The following GAS2L3 variants were observed in gnomAD, a reference collection of about 807,000 sequenced individuals.
The protein encoded by GAS2L3 is growth arrest specific 2 like 3, also known as GAS2-like protein 3.
A neutral mutation model predicts 37.0 loss-of-function variants in GAS2L3; 28 were observed. The ratio of observed to expected loss-of-function variants is 0.76; its 90% CI spans 0.56 to 1.04. The LOEUF (loss-of-function observed/expected upper bound fraction) is 1.04. Among genes scored for constraint, GAS2L3 ranks in the 50% least tolerant of loss-of-function variants. The probability of loss-of-function intolerance (pLI) is 0.00; values close to 1 mark genes in which losing one functional copy is unlikely to be tolerated. For synonymous variants in GAS2L3, 290 were observed against 296.6 expected (o/e 0.98, Z 0.23); for missense variants, 793 against 817.6 (o/e 0.97, Z 0.37).
chr12:100,618,625 T>C, intron 8 of GAS2L3, 38 bp downstream of exon 8: 1 of 1,569,086 alleles, frequency 6.4e-7, no homozygotes, highest in Non-Finnish European at 8.6e-7. Context: ...CCATGATACC[T>C]TGAAGTCTCA....
chr12:100,617,508 T>C (rs1206752941), intron 6 of GAS2L3, among the ~76,000 whole-genome samples: 1 of 152,192 alleles, frequency 6.6e-6, no homozygotes, highest in Non-Finnish European at 1.5e-5. Flanking sequence ...CTTCAAATGC[T>C]GTGCAAATAA....
At chr12:100,586,306 T>C (rs1023178036) in intron 1 of GAS2L3, among the ~76,000 whole-genome samples, 1 of 152,188 alleles carries the variant, frequency 6.6e-6, no homozygotes, top group Admixed American at 6.5e-5. Context: ...TGGAACTTTC[T>C]CCAAGATAGA....
chr12:100,587,916 G>T (rs1955800621), intron 1 of GAS2L3, among the ~76,000 whole-genome samples: 1 of 152,094 alleles, frequency 6.6e-6, no homozygotes, highest in Non-Finnish European at 1.5e-5. Flanking sequence ...GCCAGGTGTG[G>T]TGGTGGGCAC....
chr12:100,598,845 C>T (rs548554634), intron 3 of GAS2L3, among the ~76,000 whole-genome samples: 1 of 152,174 alleles, frequency 6.6e-6, no homozygotes, highest in Non-Finnish European at 1.5e-5. Context: ...ATTCTTACTT[C>T]TCTCATTCCA....
intron 5 of GAS2L3, among the ~76,000 whole-genome samples, chr12:100,609,658 A>G (rs1956102813): frequency 6.6e-6 from 1 of 152,118 alleles, no homozygotes; most frequent in African/African-American, 2.4e-5. Flanking sequence ...CTGCCCCTCA[A>G]GTTCGCTTAG....
At chr12:100,573,882 C>A (rs35719) in intron 1 of GAS2L3, 97 bp downstream of exon 1, 81,929 of 152,184 alleles carry the variant, frequency 0.54, 23,194 homozygotes, top group East Asian at 0.69. Flanking sequence ...AGGAGCCCCC[C>A]GCTCTCTGAG....
At chr12:100,611,880 A>G in intron 5 of GAS2L3, 120 bp from the exon 6 acceptor site, 4 of 696,250 alleles carry the variant, frequency 5.7e-6, no homozygotes, top group Non-Finnish European at 9.8e-6. Context: ...TTTTTTCTCT[A>G]AAATTGTGTA....
chr12:100,621,425 A>G (rs888668286), intron 8 of GAS2L3, among the ~76,000 whole-genome samples: 1 of 152,018 alleles, frequency 6.6e-6, no homozygotes, highest in East Asian at 1.9e-4. Flanking sequence ...CAGTTCTACC[A>G]TTAAAAAATA....
rs1236163349 is a variant in GAS2L3 at position 100,624,099 on chromosome 12, C to T, written c.1294C>T (p.Pro432Ser). ...PRTAPCISESPRKCISSPNTP... is the reference protein window; with the variant it reads ...PRTAPCISESSRKCISSPNTP... ...AACTGCACCTTGTATATCTGAGTCA[C>T]CGAGAAAATGTATTTCATCCCCCAA... The change falls in exon 10 of 10, where the codon CCG (proline) becomes TCG (serine). Residue 432 changes from proline to serine, a missense_variant. Physicochemically the swap from Pro to Ser is moderately conservative, Grantham distance 74. Coordinates refer to ENST00000547754, the MANE Select transcript of GAS2L3 (RefSeq NM_174942.3). 6.2e-7 allele frequency: 1 copy of T among 1,613,888 alleles called. No homozygotes were observed. The highest frequency in any genetic ancestry group is 1.7e-5 in the Admixed American group (1 of 59,960).
At chr12:100,606,568 T>C (rs1956059748) in intron 5 of GAS2L3, among the ~76,000 whole-genome samples, 2 of 152,072 alleles carry the variant, frequency 1.3e-5, no homozygotes. Context: ...GCTCCTTCTT[T>C]CTTTCCTTCC....
chr12:100,579,502 A>G, intron 1 of GAS2L3: 6 of 773,332 alleles, frequency 7.8e-6, no homozygotes, highest in Admixed American at 5.2e-5. Flanking sequence ...TGTCAGAAAT[A>G]TTAAGATTTA....
rs762619994 is a variant in GAS2L3 at position 100,623,551 on chromosome 12, T to C, written c.757-11T>C. 1 of 1,581,960 alleles carries C rather than the reference T, an allele frequency of 6.3e-7. No homozygotes were observed. Among genetic ancestry groups the C allele is most frequent in the South Asian group, 1.2e-5 (1 of 85,660 alleles). On this transcript the variant is annotated splice_polypyrimidine_tract_variant and intron_variant, in intron 9 of 9. Coordinates refer to ENST00000547754, the MANE Select transcript of GAS2L3 (RefSeq NM_174942.3). Reference sequence around the variant, plus strand: ...ATTACAGCTTTACTTTTTGTTTTCCTTTGGGGGCAGATGCTTCATGGAAAA... The same window carrying C: ...ATTACAGCTTTACTTTTTGTTTTCCCTTGGGGGCAGATGCTTCATGGAAAA...
At chr12:100,611,244 C>T (rs1411986705) in intron 5 of GAS2L3, 4 of 152,060 alleles carry the variant, frequency 2.6e-5, no homozygotes, top group African/African-American at 4.8e-5. Flanking sequence ...CTTCAGCCTC[C>T]GAAAGTACTG....
intron 5 of GAS2L3, among the ~76,000 whole-genome samples, chr12:100,605,677 G>A (rs1956047084): frequency 6.6e-6 from 1 of 150,650 alleles, no homozygotes; most frequent in Admixed American, 6.6e-5. Context: ...CATAGGTTTT[G>A]GTATTTGTGC....
chr12:100,580,782 A>G (rs1161188161), intron 1 of GAS2L3, among the ~76,000 whole-genome samples: 4 of 152,232 alleles, frequency 2.6e-5, no homozygotes, highest in Admixed American at 2.0e-4. Flanking sequence ...AGCACCTGCT[A>G]TATGTGGAAT....
intron 1 of GAS2L3, among the ~76,000 whole-genome samples, chr12:100,586,247 A>T (rs1322063336): frequency 3.3e-5 from 5 of 152,218 alleles, no homozygotes; most frequent in African/African-American, 1.2e-4. Flanking sequence ...TATACAGAAC[A>T]TTTCATCCAA....
intron 7 of GAS2L3, among the ~76,000 whole-genome samples, 192 bp downstream of exon 7, chr12:100,617,999 T>C (rs1956208238): frequency 6.6e-6 from 1 of 152,222 alleles, no homozygotes; most frequent in African/African-American, 2.4e-5. Context: ...GTTCTCAATA[T>C]AGCTTGTCTT....
At chr12:100,606,328 C>T (rs1438839782) in intron 5 of GAS2L3, among the ~76,000 whole-genome samples, 3 of 151,840 alleles carry the variant, frequency 2.0e-5, no homozygotes, top group Non-Finnish European at 2.9e-5. Context: ...TTTTCAGTTT[C>T]CCATTGGCAT....
intron 6 of GAS2L3, among the ~76,000 whole-genome samples, chr12:100,616,024 A>AAG (rs958913569): frequency 5.9e-5 from 9 of 152,136 alleles, no homozygotes; most frequent in African/African-American, 2.2e-4. Context: ...GGAAAAAAAA[A>AAG]GGGGTGTTGT....
Sources: gnomAD v4.1 joint callset for allele counts (sites outside exome capture counted in the v4.1 genomes callset) on GRCh38, gnomAD v4.1.1 for gene constraint, MANE v1.5 for transcripts, NCBI Gene and HGNC (gene_info 2026-07-23, HGNC 2026-07-21) for gene names.